GRID2: variants seen among roughly 807,000 people sequenced by gnomAD.
The protein encoded by GRID2 is glutamate receptor ionotropic, delta-2.
A neutral mutation model predicts 114.8 loss-of-function variants in GRID2; 33 were observed. That is an observed-to-expected ratio of 0.29 (90% CI 0.22 to 0.38). GRID2 has a LOEUF of 0.38. Among genes scored for constraint, GRID2 ranks in the 10% least tolerant of loss-of-function variants. The probability of loss-of-function intolerance (pLI) is 1.00; values close to 1 mark genes in which losing one functional copy is unlikely to be tolerated. For missense variants in GRID2, 1,184 were observed against 1,257.7 expected (o/e 0.94, Z 0.89); for synonymous variants, 505 against 449.9 (o/e 1.12, Z -1.55).
intron 10 of GRID2, among the ~76,000 whole-genome samples, chr4:93,426,003 G>A (rs1290592449): frequency 6.6e-6 from 1 of 151,936 alleles, no homozygotes; most frequent in African/African-American, 2.4e-5. Flanking sequence ...GTACATCATT[G>A]CTAGAATTGG....
chr4:92,905,395 CAT>C lies in GRID2; in HGVS notation c.245-179597_245-179596del, dbSNP rs1295573535. On this transcript the variant is annotated intron_variant, in intron 2 of 15. Transcript: ENST00000282020. ...TAAAATATAATAACGTTAAAATTTT[CAT>C]ATGATTGTGAGGATAGAGTTAGGTA... Among the ~76,000 whole-genome samples, 3 of 149,368 alleles carry C rather than the reference CAT, an allele frequency of 2.0e-5. No individual in the cohort carries two copies. In the East Asian group the frequency reaches 5.8e-4, roughly 29 times the overall value.
At chr4:92,380,081 G>A (rs894784509) in intron 1 of GRID2, among the ~76,000 whole-genome samples, 1 of 151,744 alleles carries the variant, frequency 6.6e-6, no homozygotes. Flanking sequence ...TCTTTAATGT[G>A]GTATAATGGG....
intron 8 of GRID2, among the ~76,000 whole-genome samples, chr4:93,259,417 C>T (rs1201201598): frequency 6.6e-6 from 1 of 151,730 alleles, no homozygotes; most frequent in Non-Finnish European, 1.5e-5. Context: ...TCAAAATAGT[C>T]TCGACTGTGT....
intron 2 of GRID2, among the ~76,000 whole-genome samples, chr4:92,925,530 A>C (rs1749744888): frequency 6.6e-6 from 1 of 152,190 alleles, no homozygotes; most frequent in African/African-American, 2.4e-5. Flanking sequence ...GGTGTGTAAC[A>C]ATATATGATC....
chr4:92,867,618 C>T (rs570644911), intron 2 of GRID2, among the ~76,000 whole-genome samples: 16 of 148,560 alleles, frequency 1.1e-4, no homozygotes, highest in African/African-American at 4.0e-4. Flanking sequence ...CTTTAGAGAA[C>T]AGTAGTTAAT....
At chr4:93,058,472 G>A (rs1727469087) in intron 2 of GRID2, among the ~76,000 whole-genome samples, 1 of 151,700 alleles carries the variant, frequency 6.6e-6, no homozygotes, top group South Asian at 2.1e-4. Flanking sequence ...GTTTTTATTT[G>A]GACTTAGTTC....
chr4:93,714,997 T>G (rs1180840658), intron 14 of GRID2, among the ~76,000 whole-genome samples: 1 of 152,218 alleles, frequency 6.6e-6, no homozygotes, highest in South Asian at 2.1e-4. Context: ...CCTCATGAAA[T>G]CATTTCCCAT....
At chr4:93,594,438 G>C (rs1738804510) in intron 13 of GRID2, among the ~76,000 whole-genome samples, 1 of 152,198 alleles carries the variant, frequency 6.6e-6, no homozygotes. Flanking sequence ...CGTACTGGGA[G>C]AACCACTGCT....
intron 8 of GRID2, among the ~76,000 whole-genome samples, chr4:93,332,909 G>A (rs1758646834): frequency 6.6e-6 from 1 of 152,042 alleles, no homozygotes; most frequent in African/African-American, 2.4e-5. Context: ...GTCCCTTTTT[G>A]ATGTGCTGCG....
rs749056597 is a variant in GRID2, at chr4:93,333,487, G to A, written c.1246-62120G>A. Among the ~76,000 whole-genome samples, 37 of 152,054 alleles carry A rather than the reference G, an allele frequency of 2.4e-4. 1 individual carries two copies. Among genetic ancestry groups the A allele is most frequent in the Non-Finnish European group, 2.9e-5 (2 of 68,024 alleles). Reference sequence around the variant, plus strand: ...ACCATACATTTTTTTAAAATCACATGTGGCAAATTCAAAACCTTTTTCTTG... The same window carrying A: ...ACCATACATTTTTTTAAAATCACATATGGCAAATTCAAAACCTTTTTCTTG... On this transcript the variant is annotated intron_variant, in intron 8 of 15. Coordinates refer to ENST00000282020, the MANE Select transcript of GRID2 (RefSeq NM_001510.4).
intron 1 of GRID2, among the ~76,000 whole-genome samples, chr4:92,444,063 A>G (rs1317045864): frequency 6.6e-6 from 1 of 152,210 alleles, no homozygotes; most frequent in African/African-American, 2.4e-5. Flanking sequence ...TAACTGATTT[A>G]AAATTGGTGA....
At chr4:92,936,498 T>C (rs1025004578) in intron 2 of GRID2, among the ~76,000 whole-genome samples, 7 of 146,294 alleles carry the variant, frequency 4.8e-5, no homozygotes, top group African/African-American at 1.7e-4. Flanking sequence ...ACATTTCCCA[T>C]TGTGAAAATT....
intron 1 of GRID2, among the ~76,000 whole-genome samples, chr4:92,530,177 G>C (rs1262599654): frequency 6.6e-6 from 1 of 151,876 alleles, no homozygotes; most frequent in Non-Finnish European, 1.5e-5. Flanking sequence ...GATAGAATTA[G>C]AAAATCACCA....
chr4:93,450,639 A>G (rs1722600650), intron 10 of GRID2, among the ~76,000 whole-genome samples: 1 of 151,780 alleles, frequency 6.6e-6, no homozygotes, highest in African/African-American at 2.4e-5. Flanking sequence ...TCATCCATCC[A>G]TATCCTTTTC....
intron 8 of GRID2, among the ~76,000 whole-genome samples, chr4:93,264,359 A>T (rs1293203110): frequency 6.6e-6 from 1 of 152,112 alleles, no homozygotes; most frequent in East Asian, 1.9e-4. Flanking sequence ...GAGTTTTTCC[A>T]GGTAAGGTCA....
intron 2 of GRID2, among the ~76,000 whole-genome samples, chr4:92,784,490 A>C (rs1396198948): frequency 6.6e-6 from 1 of 151,836 alleles, no homozygotes; most frequent in Non-Finnish European, 1.5e-5. Flanking sequence ...AGGCAAGTGA[A>C]ATTCATGAGT....
At chr4:93,320,636 CCTTT>C (rs1227944304) in intron 8 of GRID2, among the ~76,000 whole-genome samples, 4 of 151,990 alleles carry the variant, frequency 2.6e-5, no homozygotes, top group Non-Finnish European at 5.9e-5. Context: ...TCCCTCCCTC[CCTTT>C]CTTTATTTCT....
At position 93,515,207 on chromosome 4, in the gene GRID2, A is replaced by C. The variant is rs763303408; in HGVS notation, c.1998-9A>C. On this transcript the variant is annotated splice_polypyrimidine_tract_variant and intron_variant, in intron 12 of 15. Transcript: ENST00000282020. ...TCTCTTGTGTCTCTCTTCTCTCCCA[A>C]TAATCAAGGTCTCTCCAGGACCTTT... The C allele has an allele frequency of 7.0e-7, 1 of 1,429,966 alleles. No individual in the cohort carries two copies. Among genetic ancestry groups the C allele is most frequent in the African/African-American group, 1.4e-5 (1 of 69,920 alleles). The allele number at this position is 1,429,966 out of a possible 1,614,324, so 88.6% of individuals were successfully genotyped here. A position where few individuals can be genotyped will look rare whatever the true frequency, so the allele number is the denominator to read the frequency against.
At chr4:92,354,556 G>T (rs1728226157) in intron 1 of GRID2, among the ~76,000 whole-genome samples, 1 of 151,810 alleles carries the variant, frequency 6.6e-6, no homozygotes. Context: ...AATTTTAAAA[G>T]AATATATTAC....
Sources: allele counts gnomAD v4.1 joint callset (sites outside exome capture counted in the v4.1 genomes callset), GRCh38; gene constraint gnomAD v4.1.1; transcripts MANE v1.5; gene names NCBI Gene and HGNC (gene_info 2026-07-23, HGNC 2026-07-21).